Variants in PIK3C2B observed in about 807,000 individuals in gnomAD.
PIK3C2B encodes phosphatidylinositol 4-phosphate 3-kinase C2 domain-containing subunit beta.
Under a neutral mutation model 184.3 loss-of-function variants are expected in PIK3C2B, and 83 were observed. The observed-to-expected ratio is 0.45, with a 90% CI of 0.38 to 0.54. The LOEUF (loss-of-function observed/expected upper bound fraction) is 0.54, where lower values mean the gene tolerates loss of function less well. Among genes scored for constraint, PIK3C2B ranks in the 20% least tolerant of loss-of-function variants. The pLI is 0.00. For missense variants in PIK3C2B, 1,736 were observed against 2,113.5 expected (o/e 0.82, Z 3.50); for synonymous variants, 779 against 837.6 (o/e 0.93, Z 1.21).
intron 1 of PIK3C2B, among the ~76,000 whole-genome samples, chr1:204,485,381 C>T (rs1296662667): frequency 6.6e-6 from 1 of 152,000 alleles, no homozygotes; most frequent in Non-Finnish European, 1.5e-5. Flanking sequence ...TTTCTTCTAC[C>T]TGAATGATTA....
chr1:204,434,241 G>A (rs532597294), intron 24 of PIK3C2B, among the ~76,000 whole-genome samples, 198 bp downstream of exon 24: 1 of 152,366 alleles, frequency 6.6e-6, no homozygotes, highest in Admixed American at 6.5e-5. Context: ...GGGAAGAACA[G>A]CTGGTCCCCG....
At position 204,464,613 on chromosome 1, in the gene PIK3C2B, G is replaced by A. The variant is rs1395674083; in HGVS notation, c.1035-9C>T. ...CAGAGCCAGATCGAAGGCTGTACAG[G>A]AAGAAAAAAAACCCTCACTGTGCCT... On this transcript the variant is annotated splice_polypyrimidine_tract_variant and intron_variant, in intron 3 of 32. Coordinates refer to ENST00000684373, the MANE Select transcript of PIK3C2B (RefSeq NM_001377334.1). 1.9e-6 allele frequency: 3 copies of A among 1,605,602 alleles called. No individual in the cohort carries two copies. Among genetic ancestry groups the A allele is most frequent in the South Asian group, 2.2e-5 (2 of 89,816 alleles).
At position 204,478,323 on chromosome 1, in the gene PIK3C2B, G is replaced by A. The variant is rs533701016; in HGVS notation, c.-84-8437C>T. 2.6e-5 allele frequency among the ~76,000 whole-genome samples: 4 copies of A among 151,968 alleles called. No individual in the cohort carries two copies. The South Asian group carries it at 6.2e-4, about 24-fold the overall frequency. On this transcript the variant is annotated intron_variant, in intron 1 of 32. Transcript: ENST00000684373. Reference sequence around the variant, plus strand: ...TCGCATCTCACTCCACACACATGCCGCTGGCTCCAACTGCCCCTCCCACAG... The same window carrying A: ...TCGCATCTCACTCCACACACATGCCACTGGCTCCAACTGCCCCTCCCACAG...
Position 204,447,516 on chromosome 1 carries a change from G to A in PIK3C2B, c.2409C>T (p.Ser803=), listed in dbSNP as rs529300095. Residue 803 remains serine (S), a synonymous_variant, in exon 15 of 33, where the codon AGC becomes AGT. Transcript: ENST00000684373. This position sits in a 1 kb window ranked among gnomAD's most constrained non-coding sequence, Gnocchi z 4.1. ...KFTSPPGDKF[S]PRYEFGSLRE... is the part of the protein sequence containing the mutation. ...GGAGGCTGCCAAACTCATAGCGGGGGCTGAACTTGTCTCCAGGGGGGCTGG... is the reference window on the plus strand; with the variant it reads ...GGAGGCTGCCAAACTCATAGCGGGGACTGAACTTGTCTCCAGGGGGGCTGG... 2.9e-4 allele frequency: 473 copies of A among 1,611,956 alleles called. 7 individuals are homozygous for A. The South Asian group carries it at 5.0e-3, about 17-fold the overall frequency.
intron 14 of PIK3C2B, among the ~76,000 whole-genome samples, chr1:204,448,327 C>G (rs1167111213): frequency 2.0e-5 from 3 of 152,060 alleles, no homozygotes; most frequent in Non-Finnish European, 4.4e-5. Flanking sequence ...GTTGGCCACT[C>G]CTGACCTCAA....
intron 1 of PIK3C2B, 133 bp from the exon 2 acceptor site, chr1:204,470,019 G>A: frequency 1.8e-6 from 1 of 570,726 alleles, no homozygotes; most frequent in Non-Finnish European, 3.1e-6. Context: ...GGAATGTACA[G>A]GAAGATGGAG....
At chr1:204,443,271 T>G in intron 19 of PIK3C2B, 146 bp downstream of exon 19, 1 of 679,946 alleles carries the variant, frequency 1.5e-6, no homozygotes, top group Non-Finnish European at 2.5e-6. Context: ...GACTGCCTGT[T>G]TACGGCCTAG....
chr1:204,484,233 C>A (rs1413534037), intron 1 of PIK3C2B, among the ~76,000 whole-genome samples: 2 of 152,106 alleles, frequency 1.3e-5, no homozygotes, highest in Non-Finnish European at 2.9e-5. Context: ...CTTATTTAGT[C>A]CTCACAACAA....
chr1:204,486,459 G>A (rs1302567443), intron 1 of PIK3C2B, among the ~76,000 whole-genome samples: 3 of 151,588 alleles, frequency 2.0e-5, no homozygotes, highest in South Asian at 2.1e-4. Context: ...GGCTGGGCAC[G>A]GTGGCTCATG....
At chr1:204,441,144 G>A (rs1180300993) in intron 21 of PIK3C2B, among the ~76,000 whole-genome samples, 2 of 152,142 alleles carry the variant, frequency 1.3e-5, no homozygotes, top group Non-Finnish European at 2.9e-5. Flanking sequence ...CAGCAGCCCT[G>A]CCACATGGCA....
At chr1:204,442,695 C>A in intron 19 of PIK3C2B, 62 bp from the exon 20 acceptor site, 1 of 1,156,850 alleles carries the variant, frequency 8.6e-7, no homozygotes, top group Non-Finnish European at 1.3e-6. Flanking sequence ...AGAACCAGAC[C>A]TCTCCCAGGG....
At chr1:204,477,431 A>G (rs954296360) in intron 1 of PIK3C2B, among the ~76,000 whole-genome samples, 2 of 152,240 alleles carry the variant, frequency 1.3e-5, no homozygotes, top group Non-Finnish European at 2.9e-5. Context: ...ATGGCCAAGC[A>G]GGTCGGTGCC....
chr1:204,426,750 A>G (rs1674762799), intron 31 of PIK3C2B, among the ~76,000 whole-genome samples: 1 of 152,212 alleles, frequency 6.6e-6, no homozygotes, highest in African/African-American at 2.4e-5. Flanking sequence ...TGAAGAGTAA[A>G]TGGATGAATG....
intron 2 of PIK3C2B, chr1:204,466,819 G>A (rs889288411): frequency 1.9e-6 from 1 of 531,642 alleles, no homozygotes; most frequent in Admixed American, 1.9e-5. Flanking sequence ...GCTGGCTGGG[G>A]GAGTCTGCCG....
At chr1:204,429,294 A>G (rs995432158) in intron 29 of PIK3C2B, among the ~76,000 whole-genome samples, 1 of 152,186 alleles carries the variant, frequency 6.6e-6, no homozygotes, top group Non-Finnish European at 1.5e-5. Context: ...CACATACTCT[A>G]AATATCTTTC....
intron 1 of PIK3C2B, among the ~76,000 whole-genome samples, chr1:204,489,503 G>A (rs2103541555): frequency 6.6e-6 from 1 of 150,400 alleles, no homozygotes; most frequent in Non-Finnish European, 1.5e-5. Context: ...AAAAAAATCT[G>A]CCTCCTTAAA....
At chr1:204,425,133 G>A (rs997822241) in intron 32 of PIK3C2B, 93 bp from the exon 33 acceptor site, 48 of 1,040,322 alleles carry the variant, frequency 4.6e-5, no homozygotes, top group Non-Finnish European at 6.6e-5. Context: ...AGTCTGTTGG[G>A]GGCTGATCCA....
At chr1:204,441,900 A>G (rs1675683625) in intron 20 of PIK3C2B, among the ~76,000 whole-genome samples, 1 of 152,178 alleles carries the variant, frequency 6.6e-6, no homozygotes, top group African/African-American at 2.4e-5. Flanking sequence ...GGGACTCCCA[A>G]TAGTACCAAC....
rs1227698341 is a variant in PIK3C2B, at chr1:204,447,707, G to C, written c.2347-129C>G. 2 of 645,706 alleles carry C rather than the reference G, an allele frequency of 3.1e-6. No homozygotes were observed. Among genetic ancestry groups the C allele is most frequent in the African/African-American group, 3.6e-5 (2 of 55,260 alleles). The allele number at this position is 645,706 out of a possible 1,614,324, so 40.0% of individuals were successfully genotyped here. The stretch of plus-strand genomic sequence containing the variant: ...TTTCCCTCAGGTTCTTTGTAAAATA[G>C]CCCTGTTAGACTTGGTGATCTCTAA... On this transcript the variant is annotated intron_variant, in intron 14 of 32. Transcript: ENST00000684373. This position sits in a 1 kb window ranked among gnomAD's most constrained non-coding sequence, Gnocchi z 4.1.
Sources: gnomAD v4.1 joint callset for allele counts (sites outside exome capture counted in the v4.1 genomes callset) on GRCh38, gnomAD v4.1.1 for gene constraint, Gnocchi (gnomAD v3.1) non-coding constraint, MANE v1.5 for transcripts, NCBI Gene and HGNC (gene_info 2026-07-23, HGNC 2026-07-21) for gene names.